SLC2A9: variants seen among roughly 807,000 people sequenced by gnomAD.
SLC2A9 encodes the protein solute carrier family 2, facilitated glucose transporter member 9.
In SLC2A9, 39 loss-of-function variants were observed where a neutral mutation model predicts 50.6. The ratio of observed to expected loss-of-function variants is 0.77; its 90% CI spans 0.60 to 1.01. The LOEUF (loss-of-function observed/expected upper bound fraction) is 1.01, where lower values mean the gene tolerates loss of function less well. Ranked by LOEUF, SLC2A9 falls within the 50% of genes least tolerant of loss-of-function variation. SLC2A9 has a pLI of 0.00. For synonymous variants in SLC2A9, 324 were observed against 276.9 expected (o/e 1.17, Z -1.69); for missense variants, 686 against 677.6 (o/e 1.01, Z -0.14).
At chr4:10,007,699 C>T (rs534319563) in intron 2 of SLC2A9, among the ~76,000 whole-genome samples, 1 of 152,320 alleles carries the variant, frequency 6.6e-6, no homozygotes, top group Admixed American at 6.5e-5. Flanking sequence ...TGCATTTTCG[C>T]AGACTTGAGA....
intron 9 of SLC2A9, among the ~76,000 whole-genome samples, chr4:9,889,951 C>CA (rs893894922): frequency 3.3e-5 from 5 of 152,000 alleles, no homozygotes; most frequent in African/African-American, 9.7e-5. Context: ...CTCCATAAAA[C>CA]AAAAAAATAC....
chr4:9,814,191 G>A (rs1577365593), intron 3 of SLC2A9, among the ~76,000 whole-genome samples: 2 of 151,978 alleles, frequency 1.3e-5, no homozygotes, highest in East Asian at 3.9e-4. Context: ...GGAGGAGAAG[G>A]ACATTCTACA....
At chr4:9,775,109 G>A (rs972521655), downstream of SLC2A9, among the ~76,000 whole-genome samples, 11 of 152,272 alleles carry the variant, frequency 7.2e-5, no homozygotes, top group African/African-American at 2.6e-4. Flanking sequence ...GTGACAGAAG[G>A]ACAGACTGGT....
At chr4:9,868,456 C>G (rs1169388560) in intron 10 of SLC2A9, among the ~76,000 whole-genome samples, 9 of 152,224 alleles carry the variant, frequency 5.9e-5, no homozygotes, top group Admixed American at 5.9e-4. Flanking sequence ...TCCAGCTAAC[C>G]AGGGCTTCTT....
chr4:9,872,375 T>C (rs73225812), intron 10 of SLC2A9, among the ~76,000 whole-genome samples: 18,787 of 152,110 alleles, frequency 0.12, 1,375 homozygotes, highest in African/African-American at 0.18. Flanking sequence ...GGTCAATTCA[T>C]CAAAAAGCAA....
intron 5 of SLC2A9, among the ~76,000 whole-genome samples, chr4:9,961,822 G>C (rs964054543): frequency 2.0e-5 from 3 of 152,128 alleles, no homozygotes; most frequent in African/African-American, 7.2e-5. Flanking sequence ...TCTGACAGAG[G>C]TCTAATATCC....
chr4:9,857,279 A>G (rs975210833), intron 10 of SLC2A9, among the ~76,000 whole-genome samples: 12 of 152,108 alleles, frequency 7.9e-5, no homozygotes, highest in Admixed American at 7.2e-4. Context: ...GCTGCAGAGC[A>G]TTTGTTTGTT....
chr4:10,038,758 C>A (rs865873395), intron 1 of SLC2A9, among the ~76,000 whole-genome samples: 1 of 152,092 alleles, frequency 6.6e-6, no homozygotes, highest in Non-Finnish European at 1.5e-5. Flanking sequence ...CCCGGGAGAG[C>A]CTCGGACGGC....
At chr4:9,886,038 C>CATATAGTAT (rs1258060382) in intron 10 of SLC2A9, among the ~76,000 whole-genome samples, 1 of 152,170 alleles carries the variant, frequency 6.6e-6, no homozygotes, top group Non-Finnish European at 1.5e-5. Flanking sequence ...GGTAGGTGTG[C>CATATAGTAT]ATGTGTGTGT....
intron 3 of SLC2A9, among the ~76,000 whole-genome samples, chr4:9,780,820 G>A (rs764403403): frequency 2.0e-5 from 3 of 152,024 alleles, no homozygotes; most frequent in Non-Finnish European, 4.4e-5. Flanking sequence ...TTTGGGCCCC[G>A]TCAGTTCCTT....
intron 6 of SLC2A9, among the ~76,000 whole-genome samples, chr4:9,932,188 C>G (rs1484807832): frequency 6.6e-6 from 1 of 151,592 alleles, no homozygotes; most frequent in Admixed American, 6.6e-5. Flanking sequence ...CATGTTCCCA[C>G]AGCAAGTAAG....
intron 3 of SLC2A9, among the ~76,000 whole-genome samples, chr4:9,993,740 G>C (rs1014536019): frequency 2.0e-5 from 3 of 152,102 alleles, no homozygotes; most frequent in Non-Finnish European, 4.4e-5. Flanking sequence ...GCTTCAACCA[G>C]AATTCTTGAT....
downstream of SLC2A9, among the ~76,000 whole-genome samples, chr4:9,775,944 C>T (rs146291364): frequency 1.1e-4 from 16 of 152,186 alleles, no homozygotes; most frequent in South Asian, 8.3e-4. Flanking sequence ...CTGCAGCAGC[C>T]GGGGGAAGAG....
At chr4:9,776,786 G>A (rs774697304), downstream of SLC2A9, among the ~76,000 whole-genome samples, 7 of 152,124 alleles carry the variant, frequency 4.6e-5, no homozygotes, top group South Asian at 2.1e-4. Context: ...ATGAAGGCTC[G>A]TAGTTATTGT....
At chr4:9,869,480 T>G (rs1490350543) in intron 10 of SLC2A9, among the ~76,000 whole-genome samples, 1 of 152,120 alleles carries the variant, frequency 6.6e-6, no homozygotes, top group Non-Finnish European at 1.5e-5. Flanking sequence ...TGCTCCTCCT[T>G]CCTCTTACAA....
downstream of SLC2A9, among the ~76,000 whole-genome samples, chr4:9,825,810 C>A (rs1431844444): frequency 6.6e-6 from 1 of 152,092 alleles, no homozygotes; most frequent in African/African-American, 2.4e-5. Flanking sequence ...CTCTCCAAAG[C>A]CTGAGATCCA....
At chr4:10,038,976 C>A (rs1029803175) in intron 1 of SLC2A9, among the ~76,000 whole-genome samples, 3 of 152,218 alleles carry the variant, frequency 2.0e-5, no homozygotes, top group Non-Finnish European at 4.4e-5. Context: ...CACAACTCTG[C>A]CGTTCTAGTG....
chr4:9,815,066 C>T (rs987142495), intron 3 of SLC2A9, among the ~76,000 whole-genome samples: 8 of 152,116 alleles, frequency 5.3e-5, no homozygotes, highest in Non-Finnish European at 8.8e-5. Context: ...GTTTGAATCA[C>T]AGAAAATAAC....
intron 5 of SLC2A9, among the ~76,000 whole-genome samples, chr4:9,942,661 G>A (rs777050939): frequency 7.2e-5 from 11 of 152,174 alleles, no homozygotes; most frequent in South Asian, 2.1e-4. Flanking sequence ...CCTACGACAC[G>A]CACTATTCAA....
Sources: gnomAD v4.1 joint callset for allele counts (sites outside exome capture counted in the v4.1 genomes callset) on GRCh38, gnomAD v4.1.1 for gene constraint, MANE v1.5 for transcripts, NCBI Gene and HGNC (gene_info 2026-07-23, HGNC 2026-07-21) for gene names.